Variants in PALM2AKAP2 observed in about 807,000 individuals in gnomAD.
PALM2AKAP2 encodes the protein PALM2 and AKAP2 fusion.
PALM2AKAP2 carries 37 observed loss-of-function variants against 71.5 expected under a neutral mutation model. The ratio of observed to expected loss-of-function variants is 0.52; its 90% confidence interval spans 0.40 to 0.68. The LOEUF is 0.68. PALM2AKAP2 is among the 30% of genes least tolerant of loss of function. The probability of loss-of-function intolerance (pLI) is 0.00; values close to 1 mark genes in which losing one functional copy is unlikely to be tolerated. For synonymous variants in PALM2AKAP2, 468 were observed against 478.8 expected (o/e 0.98, Z 0.29); for missense variants, 1,224 against 1,191.8 (o/e 1.03, Z -0.40).
rs531100656 is a variant in PALM2AKAP2 at position 109,807,404 on chromosome 9, G to T, written c.45+26871G>T. 5.3e-5 allele frequency among the ~76,000 whole-genome samples: 8 copies of T among 152,284 alleles called. No homozygotes were observed. The South Asian group carries it at 1.7e-3, about 32-fold the overall frequency. ...TAGACTGGGTGGCTTATATACAACA[G>T]AAACTTATTTCTCATAGTTTTGGAG... On this transcript the variant is annotated intron_variant, in intron 1 of 9. Transcript: ENST00000302798.
chr9:109,887,828 A>G (rs1830001187), intron 3 of PALM2AKAP2, among the ~76,000 whole-genome samples: 1 of 152,224 alleles, frequency 6.6e-6, no homozygotes, highest in Non-Finnish European at 1.5e-5. Context: ...TTGTTATTTT[A>G]AGCTAAATTT....
chr9:109,989,585 T>C (rs191314371), intron 6 of PALM2AKAP2, among the ~76,000 whole-genome samples: 9 of 152,352 alleles, frequency 5.9e-5, no homozygotes, highest in Admixed American at 5.2e-4. Context: ...TAATATTTGT[T>C]ACTCCAAATA....
chr9:109,958,342 A>G (rs562062074), intron 6 of PALM2AKAP2, among the ~76,000 whole-genome samples: 1 of 152,334 alleles, frequency 6.6e-6, no homozygotes, highest in South Asian at 2.1e-4. Flanking sequence ...TCTTGGGTCT[A>G]TTTTGAAAAC....
At position 110,117,973 on chromosome 9, in the gene PALM2AKAP2, TTGTGTG is replaced by T. The variant is rs1171400897; in HGVS notation, c.157-18122_157-18117del. Among the ~76,000 whole-genome samples, 291 of 138,546 alleles carry T rather than the reference TTGTGTG, an allele frequency of 2.1e-3. 2 individuals are homozygous for T. Among genetic ancestry groups the T allele is most frequent in the Admixed American group, 3.6e-3 (49 of 13,702 alleles). The allele number at this position is 138,546 out of a possible 152,430, so 90.9% of individuals were successfully genotyped here. A position where few individuals can be genotyped will look rare whatever the true frequency, so the allele number is the denominator to read the frequency against. Reference sequence around the variant, plus strand: ...GATACATATATATATATATGTCGTTTTGTGTGTGTGTGTGTGTGTGTGTGTGTGTGT... The same window carrying T: ...GATACATATATATATATATGTCGTTTTGTGTGTGTGTGTGTGTGTGTGTGT... On this transcript the variant is annotated intron_variant, in intron 1 of 3. Transcript: ENST00000374525.
chr9:109,905,996 AAAGAG>A (rs1830437822), intron 3 of PALM2AKAP2, among the ~76,000 whole-genome samples: 1 of 149,292 alleles, frequency 6.7e-6, no homozygotes, highest in Non-Finnish European at 1.5e-5. Flanking sequence ...TTTTTACAAA[AAAGAG>A]AAGAAATGGT....
intron 6 of PALM2AKAP2, among the ~76,000 whole-genome samples, chr9:109,972,681 C>G (rs1306011876): frequency 1.3e-5 from 2 of 152,156 alleles, no homozygotes; most frequent in African/African-American, 4.8e-5. Flanking sequence ...TGCATATGAC[C>G]CCACCACCAG....
chr9:110,035,219 A>AT (rs1833360190), intron 7 of PALM2AKAP2, among the ~76,000 whole-genome samples: 5 of 142,758 alleles, frequency 3.5e-5, no homozygotes, highest in South Asian at 2.1e-4. Flanking sequence ...GTATATATAT[A>AT]AAAAATATAT....
chr9:110,002,115 A>C (rs1366609696), intron 6 of PALM2AKAP2, among the ~76,000 whole-genome samples: 1 of 152,146 alleles, frequency 6.6e-6, no homozygotes, highest in Non-Finnish European at 1.5e-5. Flanking sequence ...GAATGCTTCC[A>C]GTTTTTGCCC....
chr9:110,131,829 C>T (rs1027734081), intron 1 of PALM2AKAP2, among the ~76,000 whole-genome samples: 1 of 152,092 alleles, frequency 6.6e-6, no homozygotes, highest in African/African-American at 2.4e-5. Flanking sequence ...CCTGCTGCTT[C>T]CTGAGTAGAT....
chr9:109,846,331 C>T (rs1828858466), intron 1 of PALM2AKAP2, among the ~76,000 whole-genome samples: 1 of 152,126 alleles, frequency 6.6e-6, no homozygotes, highest in African/African-American at 2.4e-5. Context: ...GCAGATTGGT[C>T]TCATGGCTGC....
intron 6 of PALM2AKAP2, among the ~76,000 whole-genome samples, chr9:109,951,769 G>A (rs1831647822): frequency 6.6e-6 from 1 of 152,132 alleles, no homozygotes; most frequent in Non-Finnish European, 1.5e-5. Context: ...GCCGGTTTGG[G>A]TGCCCCTTGG....
intron 1 of PALM2AKAP2, among the ~76,000 whole-genome samples, chr9:110,106,155 T>C (rs1035463981): frequency 5.9e-5 from 9 of 152,208 alleles, no homozygotes; most frequent in Non-Finnish European, 1.0e-4. Flanking sequence ...TTAGCGAACA[T>C]GATTTTGTAT....
At chr9:110,137,086 G>C in exon 2 of PALM2AKAP2, 1 of 1,613,268 alleles carries the variant, frequency 6.2e-7, no homozygotes. Context: ...TGCAGAAGCA[G>C]TTACAGCAGC....
chr9:109,911,150 G>T (rs897506070), intron 3 of PALM2AKAP2, among the ~76,000 whole-genome samples: 3 of 152,076 alleles, frequency 2.0e-5, no homozygotes, highest in Admixed American at 6.6e-5. Flanking sequence ...GGCTGGATGG[G>T]ACTTTTTCTC....
intron 1 of PALM2AKAP2, among the ~76,000 whole-genome samples, chr9:109,682,447 A>G (rs1176090990): frequency 6.6e-6 from 1 of 152,196 alleles, no homozygotes; most frequent in Admixed American, 6.5e-5. Flanking sequence ...TGGGTTTTGC[A>G]TATGTAAAGT....
At chr9:110,097,996 C>G (rs1834895784) in intron 1 of PALM2AKAP2, among the ~76,000 whole-genome samples, 1 of 144,908 alleles carries the variant, frequency 6.9e-6, no homozygotes, top group Non-Finnish European at 1.5e-5. Flanking sequence ...CCGTCTCCAC[C>G]CAAAAAATAC....
intron 3 of PALM2AKAP2, among the ~76,000 whole-genome samples, chr9:109,904,787 T>C (rs1830409171): frequency 6.6e-6 from 1 of 152,200 alleles, no homozygotes. Context: ...ATGTACTATC[T>C]CTGTATCCAA....
chr9:110,152,080 T>C (rs753521607), intron 2 of PALM2AKAP2, among the ~76,000 whole-genome samples: 1 of 151,880 alleles, frequency 6.6e-6, no homozygotes, highest in Non-Finnish European at 1.5e-5. Flanking sequence ...CTAGTAAAAA[T>C]ACAAAAATTA....
chr9:109,793,868 C>T (rs1040557334), intron 1 of PALM2AKAP2, among the ~76,000 whole-genome samples: 1 of 152,186 alleles, frequency 6.6e-6, no homozygotes, highest in Non-Finnish European at 1.5e-5. Flanking sequence ...TAACCATGCC[C>T]ATTCATGTAT....
Sources: allele counts gnomAD v4.1 joint callset (sites outside exome capture counted in the v4.1 genomes callset), GRCh38; gene constraint gnomAD v4.1.1; transcripts MANE v1.5; gene names NCBI Gene and HGNC (gene_info 2026-07-23, HGNC 2026-07-21).